Variants in RPS7 observed in about 807,000 individuals in gnomAD.
The protein encoded by RPS7 is ribosomal protein S7.
In RPS7, 1 loss-of-function variant was observed where a neutral mutation model predicts 22.1. The observed-to-expected ratio is 0.05, with a 90% CI of 0.02 to 0.21. The LOEUF (loss-of-function observed/expected upper bound fraction) is 0.21. RPS7 is among the 10% of genes least tolerant of loss of function. The pLI is 1.00. For synonymous variants in RPS7, 80 were observed against 92.0 expected (o/e 0.87, Z 0.74); for missense variants, 137 against 246.4 (o/e 0.56, Z 2.97).
Position 3,580,918 on chromosome 2 carries a change from T to A in RPS7, c.*36T>A. The A allele has an allele frequency of 1.6e-6, 2 of 1,221,300 alleles. No homozygotes were observed. The highest frequency in any genetic ancestry group is 2.4e-6 in the Non-Finnish European group (2 of 833,782). The allele number at this position is 1,221,300 out of a possible 1,614,324, so 75.7% of individuals were successfully genotyped here. ...CTAAATAAAAAGTATATATTCACAG[T>A]ACTCTGTTTCAGTTATGTTTTTCAA... On this transcript the variant is annotated 3_prime_UTR_variant, in exon 7 of 7. Transcript: ENST00000645674.
rs761211921 is a variant in RPS7 at position 3,580,124 on chromosome 2, C to T, written c.371C>T (p.Ala124Val). ...TATTCTTTTAGCCGTACTCTGACAGCTGTGCACGATGCCATCCTTGAGGAC... is the reference window on the plus strand; with the variant it reads ...TATTCTTTTAGCCGTACTCTGACAGTTGTGCACGATGCCATCCTTGAGGAC... ...QKRPRSRTLT[A>V]VHDAILEDLV... Residue 124 changes from alanine to valine, a missense_variant, in exon 6 of 7, where the codon GCT becomes GTT. By Grantham distance (64) the Ala-to-Val change is moderately conservative. Transcript: ENST00000645674. 7 of 1,613,744 alleles carry T rather than the reference C, an allele frequency of 4.3e-6. No individual in the cohort carries two copies. The South Asian group carries it at 7.7e-5, about 18-fold the overall frequency.
At chr2:3,579,775 T>G in intron 5 of RPS7, 1 of 398,934 alleles carries the variant, frequency 2.5e-6, no homozygotes, top group Admixed American at 3.9e-5. Context: ...AGTTGAGAAA[T>G]AATACAAGTG....
rs750287887 is a variant in RPS7 at position 3,575,813 on chromosome 2, T to C, written c.76-4T>C. 1 of 1,612,020 alleles carries C rather than the reference T, an allele frequency of 6.2e-7. No homozygotes were observed. Among genetic ancestry groups the C allele is most frequent in the Non-Finnish European group, 8.5e-7 (1 of 1,179,344 alleles). ...GGTCGGTCCTGCTGTTCGTTGCTTCTTAGGCTCTTCTGGAGCTGGAGATGA... is the reference window on the plus strand; with the variant it reads ...GGTCGGTCCTGCTGTTCGTTGCTTCCTAGGCTCTTCTGGAGCTGGAGATGA... On this transcript the variant is annotated splice_polypyrimidine_tract_variant and splice_region_variant and intron_variant, in intron 2 of 6. Coordinates refer to ENST00000645674, the MANE Select transcript of RPS7 (RefSeq NM_001011.4).
At position 3,580,722 on chromosome 2, in the gene RPS7, A is replaced by G. The variant is rs528925798; in HGVS notation, c.508-83A>G. The G allele has an allele frequency of 1.7e-3, 1,471 of 864,988 alleles. 15 individuals are homozygous for G. The highest frequency in any genetic ancestry group is 0.011 in the South Asian group (834 of 74,140). 53.6% of individuals were successfully genotyped at this position (864,988 alleles called of 1,614,324 possible). On this transcript the variant is annotated intron_variant, in intron 6 of 6. Transcript: ENST00000645674. ...TAGTTGCTGAGGAGAAAAACAATAC[A>G]GGGCACAATTTCACGAAACTATTAG...
rs760034391 is a variant in RPS7, at chr2:3,577,790, G to A, written c.356+16G>A. 1 of 1,567,782 alleles carries A rather than the reference G, an allele frequency of 6.4e-7. No homozygotes were observed. Among genetic ancestry groups the A allele is most frequent in the South Asian group, 1.1e-5 (1 of 89,892 alleles). On this transcript the variant is annotated intron_variant, in intron 5 of 6. Coordinates refer to ENST00000645674, the MANE Select transcript of RPS7 (RefSeq NM_001011.4). ...GTCCCAGGAGGTGAGTATTTTAGTA[G>A]TTTCAGAAATGTGTGTACCCCTCTT...
intron 5 of RPS7, 91 bp downstream of exon 5, chr2:3,577,865 C>A: frequency 4.4e-6 from 4 of 907,240 alleles, no homozygotes; most frequent in South Asian, 4.2e-5. Context: ...AACAGATGTT[C>A]AAGTGGGAAT....
Position 3,575,938 on chromosome 2 carries a change from G to T in RPS7, c.147+50G>T, listed in dbSNP as rs756833182. 7.3e-6 allele frequency: 10 copies of T among 1,365,614 alleles called. No homozygotes were observed. In the Admixed American group the frequency reaches 1.5e-4, roughly 20 times the overall value. The allele number at this position is 1,365,614 out of a possible 1,614,324, so 84.6% of individuals were successfully genotyped here. On this transcript the variant is annotated intron_variant, in intron 3 of 6. Coordinates refer to ENST00000645674, the MANE Select transcript of RPS7 (RefSeq NM_001011.4). The stretch of plus-strand genomic sequence containing the variant: ...GAGGGAGGTTGCGGCGCGTCTCCCC[G>T]CGCAGTGCCTGAGAGGGTTGGACCT...
At chr2:3,577,802 T>A (rs1661317771) in intron 5 of RPS7, 28 bp downstream of exon 5, 9 of 1,373,072 alleles carry the variant, frequency 6.6e-6, no homozygotes, top group Non-Finnish European at 8.3e-6. Context: ...TTCAGAAATG[T>A]GTGTACCCCT....
intron 5 of RPS7, chr2:3,579,701 C>T: frequency 3.6e-6 from 1 of 275,024 alleles, no homozygotes; most frequent in East Asian, 9.1e-5. Context: ...GAAAGATTAT[C>T]TTGACATTGG....
intron 3 of RPS7, 94 bp from the exon 4 acceptor site, chr2:3,576,393 G>C (rs1661280606): frequency 9.6e-7 from 1 of 1,042,274 alleles, no homozygotes; most frequent in East Asian, 2.4e-5. Context: ...GTGCAGCTAC[G>C]GTGTTAGTGA....
rs1408588601 is a variant in RPS7 at position 3,575,895 on chromosome 2, TG to T, written c.147+9del. The T allele has an allele frequency of 6.2e-7, 1 of 1,600,410 alleles. No individual in the cohort carries two copies. On this transcript the variant is annotated splice_region_variant and intron_variant, in intron 3 of 6. Coordinates refer to ENST00000645674, the MANE Select transcript of RPS7 (RefSeq NM_001011.4). ...GAATATTACGGCAGCTAAGGTAAGC[TG>T]GCGCTCCCTCGGCTGGGAGGGAGGT...
rs1017249798 is a variant in RPS7, at chr2:3,576,828, G to A, written c.291+198G>A. ...GGGAGGTGGAGGCGGGTGGATCACT[G>A]TAGAGACCAGCCTGGGCAACATGGT... On this transcript the variant is annotated intron_variant, in intron 4 of 6. Transcript: ENST00000645674. The A allele has an allele frequency of 1.3e-5, 9 of 710,322 alleles. No homozygotes were observed. The Admixed American group carries it at 1.6e-4, about 13-fold the overall frequency. The allele number at this position is 710,322 out of a possible 1,614,324, so 44.0% of individuals were successfully genotyped here.
intron 4 of RPS7, 191 bp downstream of exon 4, chr2:3,576,821 G>C: frequency 1.4e-6 from 1 of 740,094 alleles, no homozygotes. Flanking sequence ...GAGGCGGGTG[G>C]ATCACTGTAG....
chr2:3,579,910 A>G (rs970138724), intron 5 of RPS7, 200 bp from the exon 6 acceptor site: 36 of 614,056 alleles, frequency 5.9e-5, no homozygotes, highest in Middle Eastern at 3.2e-4. Flanking sequence ...GAAATAAATC[A>G]GTAAGCTATT....
chr2:3,576,901 A>C, intron 4 of RPS7: 1 of 479,276 alleles, frequency 2.1e-6, no homozygotes, highest in Non-Finnish European at 3.8e-6. Context: ...AAAAAGAAAG[A>C]TAAAGTACGT....
At position 3,575,288 on chromosome 2, in the gene RPS7, G is replaced by A. The variant is rs1197392136; in HGVS notation, c.-81G>A. 1.2e-5 allele frequency: 5 copies of A among 427,022 alleles called. No individual in the cohort carries two copies. The highest frequency in any genetic ancestry group is 6.4e-5 in the African/African-American group (3 of 46,826). The allele number at this position is 427,022 out of a possible 1,614,324, so 26.5% of individuals were successfully genotyped here. On this transcript the variant is annotated 5_prime_UTR_variant, in exon 1 of 7. Coordinates refer to ENST00000645674, the MANE Select transcript of RPS7 (RefSeq NM_001011.4). ...GCGCTGTTTCCGCCTCTTGCCTTCG[G>A]ACGCCGGATTTTGACGTGCTCTCGC...
chr2:3,576,037 G>A lies in RPS7; in HGVS notation c.147+149G>A, dbSNP rs1185772028. The A allele has an allele frequency of 3.6e-5, 25 of 701,948 alleles. 1 individual carries two copies. The South Asian group carries it at 3.9e-4, about 11-fold the overall frequency. 43.5% of individuals were successfully genotyped at this position (701,948 alleles called of 1,614,324 possible). On this transcript the variant is annotated intron_variant, in intron 3 of 6. Transcript: ENST00000645674. ...AGGTTCGGCCGTGTTGTTTGGGAGT[G>A]ATACCGCCCAGGTGCGGGGAGTGGG...
chr2:3,577,031 A>C (rs917709762), intron 4 of RPS7: 6 of 284,130 alleles, frequency 2.1e-5, no homozygotes, highest in Non-Finnish European at 3.4e-5. Flanking sequence ...TACATAGATG[A>C]TCAAACTAAG....
intron 3 of RPS7, 134 bp downstream of exon 3, chr2:3,576,022 GTGT>G (rs1159239871): frequency 1.3e-5 from 10 of 745,950 alleles, no homozygotes; most frequent in Admixed American, 1.0e-4. Flanking sequence ...AGGTTCGGCC[GTGT>G]TGTTTGGGAG....
Sources: allele counts gnomAD v4.1 joint callset, GRCh38; gene constraint gnomAD v4.1.1; transcripts MANE v1.5; gene names NCBI Gene and HGNC (gene_info 2026-07-23, HGNC 2026-07-21).